The following TENM3 variants were observed in gnomAD, a reference collection of about 807,000 sequenced individuals.
TENM3 encodes the protein teneurin-3.
TENM3 carries 63 observed loss-of-function variants against 255.1 expected under a neutral mutation model. The observed-to-expected ratio is 0.25, with a 90% CI of 0.20 to 0.30. TENM3 has a LOEUF of 0.30. TENM3 is among the 10% of genes least tolerant of loss of function. TENM3 has a pLI of 1.00. For synonymous variants in TENM3, 1,306 were observed against 1,322.3 expected, an observed-to-expected ratio of 0.99 and a Z score of 0.27; for missense variants, 2,929 against 3,461.1, an observed-to-expected ratio of 0.85 and a Z score of 3.86.
At chr4:182,120,071 A>G in the TENM3 span, among the ~76,000 whole-genome samples, 1 of 115,540 alleles carries the variant, frequency 8.7e-6, no homozygotes, top group African/African-American at 3.5e-5. Context: ...ATTACCACAC[A>G]AATACACACA....
At chr4:181,604,259 C>T in the TENM3 span, among the ~76,000 whole-genome samples, 8 of 151,728 alleles carry the variant, frequency 5.3e-5, no homozygotes, top group South Asian at 1.2e-3. Context: ...AGCGAGACTC[C>T]GTCTAAAAAA....
At chr4:182,587,403 A>G (rs1581025596) in intron 3 of TENM3, among the ~76,000 whole-genome samples, 1 of 152,302 alleles carries the variant, frequency 6.6e-6, no homozygotes, top group African/African-American at 2.4e-5. Flanking sequence ...TACTAAAAAT[A>G]CAAAAATTGG....
chr4:181,703,132 C>T, the TENM3 span, among the ~76,000 whole-genome samples: 1 of 152,178 alleles, frequency 6.6e-6, no homozygotes, highest in African/African-American at 2.4e-5. Flanking sequence ...AGCAGATCAG[C>T]CAGACTCGCT....
chr4:182,154,154 TAAA>T (rs1750533138), intron 1 of TENM3, among the ~76,000 whole-genome samples: 1 of 152,008 alleles, frequency 6.6e-6, no homozygotes, highest in African/African-American at 2.4e-5. Flanking sequence ...TTTTTTTCCT[TAAA>T]AGAAAGATCT....
At chr4:181,859,168 A>G in the TENM3 span, among the ~76,000 whole-genome samples, 5 of 132,246 alleles carry the variant, frequency 3.8e-5, no homozygotes, top group East Asian at 9.2e-4. Flanking sequence ...ACTTGAACCC[A>G]GGGGGCAGAG....
the TENM3 span, among the ~76,000 whole-genome samples, chr4:181,677,470 A>C: frequency 2.9e-4 from 44 of 152,154 alleles, no homozygotes; most frequent in South Asian, 8.3e-4. Context: ...TAGTCTGCTA[A>C]GAAGTCCTCT....
chr4:181,522,917 G>A, the TENM3 span: 3 of 888,416 alleles, frequency 3.4e-6, no homozygotes, highest in African/African-American at 1.7e-5. Context: ...TTGTTGTGCT[G>A]GTTATTTCCA....
chr4:182,443,755 C>T (rs909337015), intron 3 of TENM3, among the ~76,000 whole-genome samples: 3 of 152,174 alleles, frequency 2.0e-5, no homozygotes, highest in Non-Finnish European at 4.4e-5. Flanking sequence ...CTCCTCCTCC[C>T]TGCCTGCCCA....
At chr4:181,862,017 C>G in the TENM3 span, among the ~76,000 whole-genome samples, 1 of 152,056 alleles carries the variant, frequency 6.6e-6, no homozygotes. Flanking sequence ...CTATGCTCAC[C>G]TGTTCAATAT....
chr4:181,804,783 G>A, the TENM3 span, among the ~76,000 whole-genome samples: 2 of 152,206 alleles, frequency 1.3e-5, no homozygotes, highest in Admixed American at 6.5e-5. Context: ...CCTGAGGCAG[G>A]AGCATCTCTT....
chr4:182,232,601 GC>G (rs1156731074), intron 1 of TENM3, among the ~76,000 whole-genome samples: 1 of 152,090 alleles, frequency 6.6e-6, no homozygotes, highest in East Asian at 1.9e-4. Context: ...GGAGGCTGAG[GC>G]AGGAGAATCA....
the TENM3 span, among the ~76,000 whole-genome samples, chr4:182,078,313 G>A: frequency 6.6e-6 from 1 of 152,050 alleles, no homozygotes. Flanking sequence ...CATGAGGTCA[G>A]GAGATCAAGA....
chr4:181,849,352 G>A, the TENM3 span, among the ~76,000 whole-genome samples: 1 of 152,190 alleles, frequency 6.6e-6, no homozygotes, highest in Non-Finnish European at 1.5e-5. Flanking sequence ...TGTAAATTGT[G>A]TGACTATAAC....
chr4:181,975,556 T>G, the TENM3 span: 1 of 152,210 alleles, frequency 6.6e-6, no homozygotes, highest in Non-Finnish European at 1.5e-5. Context: ...GATAAACATC[T>G]GAGTGCAGTT....
chr4:181,541,722 A>T, the TENM3 span, among the ~76,000 whole-genome samples: 1 of 152,210 alleles, frequency 6.6e-6, no homozygotes. Context: ...ATCTCCAGGG[A>T]TGTCTCATCA....
chr4:182,326,107 G>T (rs1045285352), intron 2 of TENM3, among the ~76,000 whole-genome samples: 11 of 152,204 alleles, frequency 7.2e-5, no homozygotes, highest in Non-Finnish European at 1.6e-4. Flanking sequence ...GGCGCCAGGC[G>T]GCCAGGGAGG....
chr4:182,391,391 T>C (rs890351409), intron 3 of TENM3, among the ~76,000 whole-genome samples: 4 of 152,164 alleles, frequency 2.6e-5, no homozygotes, highest in East Asian at 1.9e-4. Context: ...GTTCCACTTA[T>C]ATATAATTTT....
At chr4:182,551,220 A>T (rs1194543421) in intron 3 of TENM3, among the ~76,000 whole-genome samples, 2 of 21,388 alleles carry the variant, frequency 9.4e-5, no homozygotes, top group South Asian at 2.3e-3. Flanking sequence ...GACTCCATCT[A>T]AAAAAAAAAA....
chr4:182,166,215 TTTA>T (rs1325731587), intron 1 of TENM3, among the ~76,000 whole-genome samples: 1 of 152,246 alleles, frequency 6.6e-6, no homozygotes, highest in East Asian at 1.9e-4. Flanking sequence ...AAGAGCATGC[TTTA>T]AAACTCTGTT....
Sources: allele counts gnomAD v4.1 joint callset (sites outside exome capture counted in the v4.1 genomes callset), GRCh38; gene constraint gnomAD v4.1.1; transcripts MANE v1.5; gene names NCBI Gene and HGNC (gene_info 2026-07-23, HGNC 2026-07-21).